The following RABGAP1L variants were observed in gnomAD, a reference collection of about 807,000 sequenced individuals.
RABGAP1L encodes the protein rab GTPase-activating protein 1-like.
A neutral mutation model predicts 137.7 loss-of-function variants in RABGAP1L; 63 were observed. The ratio of observed to expected loss-of-function variants is 0.46; its 90% CI spans 0.37 to 0.56. The LOEUF is 0.56. Among genes scored for constraint, RABGAP1L ranks in the 20% least tolerant of loss-of-function variants. RABGAP1L has a pLI of 0.00. For synonymous variants in RABGAP1L, 431 were observed against 433.7 expected, an observed-to-expected ratio of 0.99 and a Z score of 0.08; for missense variants, 1,095 against 1,244.0, an observed-to-expected ratio of 0.88 and a Z score of 1.80.
At chr1:174,923,549 T>C (rs1474838100) in intron 19 of RABGAP1L, among the ~76,000 whole-genome samples, 2 of 152,186 alleles carry the variant, frequency 1.3e-5, no homozygotes, top group Non-Finnish European at 2.9e-5. Flanking sequence ...TATAATAATG[T>C]TAATTATTTG....
intron 12 of RABGAP1L, among the ~76,000 whole-genome samples, chr1:174,377,129 A>T (rs1685613321): frequency 6.6e-6 from 1 of 152,324 alleles, no homozygotes; most frequent in South Asian, 2.1e-4. Context: ...CATGAAATAT[A>T]TAGAAATCGA....
intron 13 of RABGAP1L, among the ~76,000 whole-genome samples, chr1:174,599,756 C>G (rs1463608631): frequency 6.6e-6 from 1 of 151,924 alleles, no homozygotes; most frequent in Admixed American, 6.6e-5. Flanking sequence ...AGGATTGTTT[C>G]TTTATCTTTG....
chr1:174,780,519 G>T (rs771363871), intron 18 of RABGAP1L, among the ~76,000 whole-genome samples: 1 of 152,044 alleles, frequency 6.6e-6, no homozygotes, highest in Admixed American at 6.6e-5. Context: ...AACTCACAGG[G>T]AATACTGTTG....
chr1:174,344,968 A>G (rs1370437668), intron 11 of RABGAP1L, among the ~76,000 whole-genome samples: 1 of 152,068 alleles, frequency 6.6e-6, no homozygotes, highest in Non-Finnish European at 1.5e-5. Context: ...ACTTTTGTAT[A>G]TGGTGAGAGG....
chr1:174,415,766 C>G (rs1412933477), intron 13 of RABGAP1L, among the ~76,000 whole-genome samples: 1 of 151,920 alleles, frequency 6.6e-6, no homozygotes, highest in East Asian at 1.9e-4. Flanking sequence ...CATAGAGATT[C>G]TTTAATCGAT....
chr1:174,309,893 T>C (rs889041446), intron 11 of RABGAP1L, among the ~76,000 whole-genome samples: 1 of 152,156 alleles, frequency 6.6e-6, no homozygotes, highest in Non-Finnish European at 1.5e-5. Context: ...TTGGAATTAC[T>C]CTGTTCTCTT....
At chr1:174,597,980 A>AT (rs1230180495) in intron 13 of RABGAP1L, among the ~76,000 whole-genome samples, 1 of 151,984 alleles carries the variant, frequency 6.6e-6, no homozygotes, top group Middle Eastern at 3.2e-3. Flanking sequence ...CTTGTTGTTG[A>AT]TTTCTAGTTT....
intron 19 of RABGAP1L, among the ~76,000 whole-genome samples, chr1:174,821,774 A>G (rs1177513743): frequency 2.0e-5 from 3 of 152,200 alleles, no homozygotes; most frequent in Non-Finnish European, 4.4e-5. Flanking sequence ...GTTTTTGTCA[A>G]CTTCATGGAT....
chr1:174,369,782 C>T (rs1427342385), intron 11 of RABGAP1L, among the ~76,000 whole-genome samples: 1 of 152,134 alleles, frequency 6.6e-6, no homozygotes, highest in Non-Finnish European at 1.5e-5. Flanking sequence ...CTAGTGTGTA[C>T]TCTCTTTGCC....
chr1:174,720,290 T>TAGATAGAGAGAC lies in RABGAP1L; in HGVS notation c.2169+18037_2169+18038insTAGAGAGACAGA, dbSNP rs368112419. Among the ~76,000 whole-genome samples the TAGATAGAGAGAC allele has an allele frequency of 2.1e-5, 3 of 141,678 alleles. No individual in the cohort carries two copies. The South Asian group carries it at 6.7e-4, about 32-fold the overall frequency. 92.9% of individuals were successfully genotyped at this position (141,678 alleles called of 152,430 possible). On this transcript the variant is annotated intron_variant, in intron 17 of 25. Transcript: ENST00000681986. ...ATAGATAGATAGATAGATAGATAGA[T>TAGATAGAGAGAC]AGACAGACAGATAGTTGGTTTTTTT...
intron 13 of RABGAP1L, among the ~76,000 whole-genome samples, chr1:174,519,213 T>TATATATACACACACACACAC (rs1663145225): frequency 6.9e-6 from 1 of 144,002 alleles, no homozygotes; most frequent in Non-Finnish European, 1.5e-5. Context: ...CACATACATA[T>TATATATACACACACACACAC]ATATATACAC....
At chr1:174,475,306 T>C (rs1658382203) in intron 13 of RABGAP1L, among the ~76,000 whole-genome samples, 1 of 151,972 alleles carries the variant, frequency 6.6e-6, no homozygotes, top group Non-Finnish European at 1.5e-5. Context: ...CTTGTTATGC[T>C]TTTTTTTCTT....
rs1211842567 is a variant in RABGAP1L, at chr1:174,716,897, TTTAC to T, written c.2169+14652_2169+14655del. On this transcript the variant is annotated intron_variant, in intron 17 of 25. Coordinates refer to ENST00000681986, the MANE Select transcript of RABGAP1L (RefSeq NM_001366446.1). ...GGCACTTAAAGCACCTGGTAGTTTGTTTACTTACTTACTTCGTGTAGTTGTTCTC... is the reference window on the plus strand; with the variant it reads ...GGCACTTAAAGCACCTGGTAGTTTGTTTACTTACTTCGTGTAGTTGTTCTC... Among the ~76,000 whole-genome samples the T allele has an allele frequency of 2.6e-5, 4 of 152,354 alleles. No individual in the cohort carries two copies. The East Asian group carries it at 5.8e-4, about 22-fold the overall frequency.
chr1:174,343,261 A>G (rs987718218), intron 11 of RABGAP1L, among the ~76,000 whole-genome samples: 2 of 152,104 alleles, frequency 1.3e-5, no homozygotes, highest in Admixed American at 6.6e-5. Context: ...ATTTCCTGCT[A>G]TTACAAATAT....
At chr1:174,837,148 A>G (rs969117203) in intron 19 of RABGAP1L, among the ~76,000 whole-genome samples, 1 of 151,996 alleles carries the variant, frequency 6.6e-6, no homozygotes, top group Non-Finnish European at 1.5e-5. Context: ...GAGAGGTTGC[A>G]CTGAGCCGAG....
At chr1:174,290,823 G>A (rs925058056) in intron 10 of RABGAP1L, among the ~76,000 whole-genome samples, 26 of 150,642 alleles carry the variant, frequency 1.7e-4, no homozygotes, top group Admixed American at 1.2e-3. Context: ...GTGCAATGGC[G>A]AGATCTCGGC....
intron 13 of RABGAP1L, among the ~76,000 whole-genome samples, chr1:174,419,765 A>G (rs191174816): frequency 5.3e-5 from 8 of 152,354 alleles, no homozygotes; most frequent in African/African-American, 1.4e-4. Flanking sequence ...TAACAACTAA[A>G]TCATCTGACA....
intron 14 of RABGAP1L, among the ~76,000 whole-genome samples, chr1:174,656,236 G>A (rs949782324): frequency 6.6e-6 from 1 of 152,126 alleles, no homozygotes; most frequent in South Asian, 2.1e-4. Context: ...GCGGGTGGAT[G>A]ACCTGAGGTC....
chr1:174,681,483 T>G (rs901257140), intron 14 of RABGAP1L, among the ~76,000 whole-genome samples: 11 of 152,250 alleles, frequency 7.2e-5, no homozygotes, highest in African/African-American at 2.7e-4. Flanking sequence ...TATTGTATGA[T>G]TCCATCTATA....
Sources: allele counts gnomAD v4.1 joint callset (sites outside exome capture counted in the v4.1 genomes callset), GRCh38; gene constraint gnomAD v4.1.1; transcripts MANE v1.5; gene names NCBI Gene and HGNC (gene_info 2026-07-23, HGNC 2026-07-21).